PIBF1: variants seen among roughly 807,000 people sequenced by gnomAD.
PIBF1 encodes progesterone immunomodulatory binding factor 1, also known as progesterone-induced-blocking factor 1.
In PIBF1, 90 loss-of-function variants were observed where a neutral mutation model predicts 112.5. That is an observed-to-expected ratio of 0.80 (90% CI 0.67 to 0.95). The LOEUF (loss-of-function observed/expected upper bound fraction) is 0.95, where lower values mean the gene tolerates loss of function less well. Ranked by LOEUF, PIBF1 falls within the 40% of genes least tolerant of loss-of-function variation. PIBF1 has a pLI of 0.00. For synonymous variants in PIBF1, 301 were observed against 288.6 expected (o/e 1.04, Z -0.44); for missense variants, 915 against 852.3 (o/e 1.07, Z -0.92).
intron 2 of PIBF1, among the ~76,000 whole-genome samples, chr13:72,791,567 A>G (rs1211327288): frequency 2.0e-5 from 3 of 152,222 alleles, no homozygotes; most frequent in African/African-American, 4.8e-5. Context: ...CCACTGTATT[A>G]TGCCACAGTG....
At chr13:72,989,781 A>G (rs1322752746) in intron 16 of PIBF1, among the ~76,000 whole-genome samples, 2 of 152,268 alleles carry the variant, frequency 1.3e-5, no homozygotes, top group Non-Finnish European at 2.9e-5. Flanking sequence ...TATGTGAATT[A>G]TATCTCAGGA....
chr13:72,914,612 C>T (rs2041017807), intron 12 of PIBF1, among the ~76,000 whole-genome samples: 1 of 152,170 alleles, frequency 6.6e-6, no homozygotes, highest in South Asian at 2.1e-4. Context: ...GACACAGGGT[C>T]TCACTGTGTT....
chr13:72,829,809 C>T (rs1476623169), intron 8 of PIBF1, among the ~76,000 whole-genome samples: 5 of 152,056 alleles, frequency 3.3e-5, no homozygotes, highest in South Asian at 2.1e-4. Context: ...TTTCCAATTC[C>T]GTGAAGAAGG....
rs142198218 is a variant in PIBF1, at chr13:72,954,343, C to T, written c.1834-10931C>T. On this transcript the variant is annotated intron_variant, in intron 14 of 17. Transcript: ENST00000326291. Reference sequence around the variant, plus strand: ...TCCCTATCCACCTGCGAAGCAGGGGCGCCCAACTTCTGCACTATAGCACAC... The same window carrying T: ...TCCCTATCCACCTGCGAAGCAGGGGTGCCCAACTTCTGCACTATAGCACAC... Among the ~76,000 whole-genome samples the T allele has an allele frequency of 9.8e-5, 15 of 152,338 alleles. No homozygotes were observed. The East Asian group carries it at 2.5e-3, about 25-fold the overall frequency.
At chr13:72,887,154 T>C (rs1328301326) in intron 10 of PIBF1, among the ~76,000 whole-genome samples, 1 of 151,658 alleles carries the variant, frequency 6.6e-6, no homozygotes, top group Non-Finnish European at 1.5e-5. Context: ...TTTGATTCAG[T>C]ATCCAGGTAT....
At chr13:73,014,838 G>A (rs2044335805) in intron 17 of PIBF1, among the ~76,000 whole-genome samples, 1 of 152,046 alleles carries the variant, frequency 6.6e-6, no homozygotes, top group Admixed American at 6.6e-5. Flanking sequence ...ACTCAGACTG[G>A]AGTGCAATAC....
chr13:72,909,398 A>G (rs1379914208), intron 12 of PIBF1, among the ~76,000 whole-genome samples: 1 of 152,218 alleles, frequency 6.6e-6, no homozygotes, highest in East Asian at 1.9e-4. Flanking sequence ...TGCAGTTCTC[A>G]GTGGAAATAC....
intron 14 of PIBF1, among the ~76,000 whole-genome samples, chr13:72,944,176 G>A (rs925696585): frequency 6.6e-6 from 1 of 152,160 alleles, no homozygotes; most frequent in Non-Finnish European, 1.5e-5. Flanking sequence ...GCCGGGTGTG[G>A]TGGCTAATGC....
chr13:72,957,961 G>GGAAA (rs1025771565), intron 14 of PIBF1, among the ~76,000 whole-genome samples: 7 of 151,148 alleles, frequency 4.6e-5, no homozygotes, highest in Admixed American at 4.6e-4. Context: ...CGGGCAGGGG[G>GGAAA]GAAAGAAAGA....
At chr13:72,938,895 C>T (rs528791966) in intron 14 of PIBF1, among the ~76,000 whole-genome samples, 3 of 152,250 alleles carry the variant, frequency 2.0e-5, no homozygotes, top group African/African-American at 4.8e-5. Context: ...AATGATTTTG[C>T]TTTGCATTTC....
At chr13:72,836,862 CT>C (rs921830533) in intron 9 of PIBF1, among the ~76,000 whole-genome samples, 1 of 151,930 alleles carries the variant, frequency 6.6e-6, no homozygotes, top group Non-Finnish European at 1.5e-5. Flanking sequence ...CCTGTTTGAT[CT>C]TTTTTGAAAG....
intron 16 of PIBF1, 52 bp from the exon 17 acceptor site, chr13:72,998,770 C>T (rs1210126078): frequency 8.9e-6 from 11 of 1,231,586 alleles, no homozygotes; most frequent in Non-Finnish European, 3.5e-6. Context: ...CATTATTAGT[C>T]TGCTTGCTAA....
chr13:72,892,325 T>C (rs2138561536), intron 10 of PIBF1, among the ~76,000 whole-genome samples: 1 of 152,284 alleles, frequency 6.6e-6, no homozygotes, highest in Admixed American at 6.5e-5. Context: ...AACTTTACTG[T>C]ATATTAATGT....
chr13:72,879,203 G>A (rs1017056134), intron 10 of PIBF1, among the ~76,000 whole-genome samples: 3 of 151,682 alleles, frequency 2.0e-5, no homozygotes, highest in African/African-American at 7.3e-5. Context: ...GTTTTAATTG[G>A]CATTATGTTG....
At chr13:72,784,110 A>T (rs912181674) in intron 2 of PIBF1, among the ~76,000 whole-genome samples, 2 of 151,274 alleles carry the variant, frequency 1.3e-5, no homozygotes, top group African/African-American at 4.9e-5. Context: ...ATGTGAGGTA[A>T]AACATTTTTT....
chr13:72,869,423 A>C (rs1017470605), intron 10 of PIBF1, among the ~76,000 whole-genome samples: 6 of 141,506 alleles, frequency 4.2e-5, no homozygotes, highest in African/African-American at 1.3e-4. Context: ...CAATGAGAGC[A>C]CATGGACACA....
chr13:72,851,807 C>T (rs1421048956), intron 9 of PIBF1, among the ~76,000 whole-genome samples: 1 of 152,216 alleles, frequency 6.6e-6, no homozygotes, highest in East Asian at 1.9e-4. Context: ...CAGACTCTGG[C>T]AGACCTCTGG....
chr13:72,808,292 T>C (rs2035837257), intron 5 of PIBF1, among the ~76,000 whole-genome samples: 1 of 152,200 alleles, frequency 6.6e-6, no homozygotes, highest in South Asian at 2.1e-4. Context: ...ATTGTTAAAA[T>C]AGGAGCTTTA....
chr13:72,951,684 T>C (rs2042300056), intron 14 of PIBF1, among the ~76,000 whole-genome samples: 3 of 152,134 alleles, frequency 2.0e-5, no homozygotes, highest in African/African-American at 7.2e-5. Flanking sequence ...CATGCCTGGC[T>C]GGTGTCGTGC....
Sources: allele counts gnomAD v4.1 joint callset (sites outside exome capture counted in the v4.1 genomes callset), GRCh38; gene constraint gnomAD v4.1.1; transcripts MANE v1.5; gene names NCBI Gene and HGNC (gene_info 2026-07-23, HGNC 2026-07-21).